The following PLEKHA7 variants were observed in gnomAD, a reference collection of about 807,000 sequenced individuals.
The protein encoded by PLEKHA7 is pleckstrin homology domain-containing family A member 7.
In PLEKHA7, 104 loss-of-function variants were observed where a neutral mutation model predicts 170.0. The ratio of observed to expected loss-of-function variants is 0.61; its 90% CI spans 0.52 to 0.72. The LOEUF is 0.72. Ranked by LOEUF, PLEKHA7 falls within the 30% of genes least tolerant of loss-of-function variation. The pLI is 0.00. For synonymous variants in PLEKHA7, 648 were observed against 660.8 expected (o/e 0.98, Z 0.30); for missense variants, 1,615 against 1,671.7 (o/e 0.97, Z 0.59).
chr11:16,915,512 CT>C (rs1858584409), intron 3 of PLEKHA7, among the ~76,000 whole-genome samples: 1 of 112,512 alleles, frequency 8.9e-6, no homozygotes, highest in Non-Finnish European at 1.8e-5. Flanking sequence ...TCCCTCCCCC[CT>C]CCCCCCACCC....
intron 3 of PLEKHA7, among the ~76,000 whole-genome samples, chr11:16,882,145 A>G (rs986674174): frequency 1.3e-5 from 2 of 152,238 alleles, no homozygotes; most frequent in Non-Finnish European, 2.9e-5. Flanking sequence ...TGCCTGGCAC[A>G]TAGTAGGTAT....
At chr11:16,834,804 TAGA>T (rs1288003598) in intron 9 of PLEKHA7, among the ~76,000 whole-genome samples, 1 of 151,760 alleles carries the variant, frequency 6.6e-6, no homozygotes, top group African/African-American at 2.4e-5. Context: ...GCATGGCCAG[TAGA>T]AGAATATGGA....
intron 9 of PLEKHA7, among the ~76,000 whole-genome samples, chr11:16,829,211 T>C (rs1850908432): frequency 6.6e-6 from 1 of 151,562 alleles, no homozygotes; most frequent in South Asian, 2.1e-4. Context: ...GACTGGGTCT[T>C]GCTATGTTGC....
chr11:16,987,054 T>A (rs563790062), intron 3 of PLEKHA7, among the ~76,000 whole-genome samples: 1 of 152,272 alleles, frequency 6.6e-6, no homozygotes, highest in South Asian at 2.1e-4. Flanking sequence ...ATCCATCAAA[T>A]TAATTGCCCC....
At chr11:16,966,206 A>G (rs995922613) in intron 3 of PLEKHA7, among the ~76,000 whole-genome samples, 1 of 152,080 alleles carries the variant, frequency 6.6e-6, no homozygotes, top group Non-Finnish European at 1.5e-5. Flanking sequence ...CATGCACAAG[A>G]CACAGGAGAA....
chr11:16,885,861 G>A (rs535377612), intron 3 of PLEKHA7, among the ~76,000 whole-genome samples: 5 of 152,234 alleles, frequency 3.3e-5, no homozygotes, highest in Non-Finnish European at 5.9e-5. Flanking sequence ...GCCAGGTGTG[G>A]TGGCGCATGC....
intron 3 of PLEKHA7, among the ~76,000 whole-genome samples, chr11:16,883,716 C>T (rs1023277105): frequency 6.6e-6 from 1 of 152,192 alleles, no homozygotes; most frequent in African/African-American, 2.4e-5. Context: ...CCTTCCTCAA[C>T]ATTCTTAGCA....
At chr11:16,799,477 G>A (rs1395244745) in intron 17 of PLEKHA7, among the ~76,000 whole-genome samples, 1 of 152,004 alleles carries the variant, frequency 6.6e-6, no homozygotes, top group Non-Finnish European at 1.5e-5. Flanking sequence ...TACTGTTTTG[G>A]TCTTTTCAAA....
intron 4 of PLEKHA7, among the ~76,000 whole-genome samples, chr11:16,863,356 G>C (rs2135556764): frequency 6.6e-6 from 1 of 152,206 alleles, no homozygotes; most frequent in Middle Eastern, 3.4e-3. Flanking sequence ...AAAACTGAAG[G>C]CTGCTCAGAC....
At chr11:16,967,832 C>G (rs1018861941) in intron 3 of PLEKHA7, among the ~76,000 whole-genome samples, 3 of 152,074 alleles carry the variant, frequency 2.0e-5, no homozygotes, top group African/African-American at 7.2e-5. Flanking sequence ...CACTTGCCAG[C>G]TTGCTGCCTC....
At chr11:16,961,509 G>C (rs1862057507) in intron 3 of PLEKHA7, among the ~76,000 whole-genome samples, 1 of 152,214 alleles carries the variant, frequency 6.6e-6, no homozygotes, top group African/African-American at 2.4e-5. Context: ...CGGAGAAGTG[G>C]CCCAGAAAAG....
rs1398349204 is a variant in PLEKHA7, at chr11:16,950,515, T to TC, written c.221+63473dup. Among the ~76,000 whole-genome samples, 4 of 151,390 alleles carry TC rather than the reference T, an allele frequency of 2.6e-5. No individual in the cohort carries two copies. The East Asian group carries it at 5.8e-4, about 22-fold the overall frequency. On this transcript the variant is annotated intron_variant, in intron 3 of 26. Transcript: ENST00000531066. ...AGAGATAAGACTTTTTTTTTTTTTT[T>TC]CATAAAAGGAAATCTCTGCTGGATA...
At chr11:16,925,279 A>G (rs1390380807) in intron 3 of PLEKHA7, among the ~76,000 whole-genome samples, 3 of 152,176 alleles carry the variant, frequency 2.0e-5, no homozygotes, top group African/African-American at 7.2e-5. Flanking sequence ...ATTTTTAAAA[A>G]CAACAACGGC....
intron 3 of PLEKHA7, among the ~76,000 whole-genome samples, chr11:16,957,662 T>G (rs1399189749): frequency 6.6e-6 from 1 of 152,040 alleles, no homozygotes; most frequent in Non-Finnish European, 1.5e-5. Flanking sequence ...ATAGTTAATT[T>G]TATATTACAT....
chr11:16,813,867 GAA>G (rs1270213771), intron 12 of PLEKHA7, among the ~76,000 whole-genome samples: 1 of 152,146 alleles, frequency 6.6e-6, no homozygotes. Flanking sequence ...GTGAAAATAA[GAA>G]AAAGACTCTT....
chr11:16,892,619 C>CTTTTTTTTTTTTTTTTTT (rs10674972), intron 3 of PLEKHA7, among the ~76,000 whole-genome samples: 3 of 82,414 alleles, frequency 3.6e-5, no homozygotes, highest in Non-Finnish European at 6.5e-5. Flanking sequence ...CTTCCAGCTT[C>CTTTTTTTTTTTTTTTTTT]TTTTTTTTTT....
At chr11:16,805,780 A>G (rs1156956968) in intron 13 of PLEKHA7, among the ~76,000 whole-genome samples, 2 of 131,038 alleles carry the variant, frequency 1.5e-5, no homozygotes, top group Non-Finnish European at 3.2e-5. Context: ...ACAGAGCGAG[A>G]CTCCATGTCA....
rs112176052 is a variant in PLEKHA7 at position 16,883,275 on chromosome 11, G to A, written c.222-12093C>T. On this transcript the variant is annotated intron_variant, in intron 3 of 26. Coordinates refer to ENST00000531066, the MANE Select transcript of PLEKHA7 (RefSeq NM_001329630.2). Reference sequence around the variant, plus strand: ...TTAAGAGTGGAGGAACAGGAAATGCGAGGAGCTTATTCATCAGTTATATAG... The same window carrying A: ...TTAAGAGTGGAGGAACAGGAAATGCAAGGAGCTTATTCATCAGTTATATAG... 1.9e-3 allele frequency among the ~76,000 whole-genome samples: 283 copies of A among 152,314 alleles called. 3 individuals are homozygous for A. The highest frequency in any genetic ancestry group is 6.4e-3 in the African/African-American group (267 of 41,554).
intron 3 of PLEKHA7, among the ~76,000 whole-genome samples, chr11:16,878,828 C>G (rs958892139): frequency 1.3e-5 from 2 of 152,198 alleles, no homozygotes; most frequent in Non-Finnish European, 2.9e-5. Flanking sequence ...AGACAAGAAC[C>G]TAATGGTCAT....
Sources: gnomAD v4.1 joint callset for allele counts (sites outside exome capture counted in the v4.1 genomes callset) on GRCh38, gnomAD v4.1.1 for gene constraint, MANE v1.5 for transcripts, NCBI Gene and HGNC (gene_info 2026-07-23, HGNC 2026-07-21) for gene names.